The following MGAT5 variants were observed in gnomAD, a reference collection of about 807,000 sequenced individuals.
The protein encoded by MGAT5 is alpha-1,6-mannosylglycoprotein 6-beta-N-acetylglucosaminyltransferase, also known as alpha-1,6-mannosylglycoprotein 6-beta-N-acetylglucosaminyltransferase A.
MGAT5 carries 30 observed loss-of-function variants against 94.3 expected under a neutral mutation model. The ratio of observed to expected loss-of-function variants is 0.32; its 90% CI spans 0.24 to 0.43. The LOEUF is 0.43. Ranked by LOEUF, MGAT5 falls within the 20% of genes least tolerant of loss-of-function variation. The pLI is 1.00. For synonymous variants in MGAT5, 310 were observed against 322.9 expected, an observed-to-expected ratio of 0.96 and a Z score of 0.43; for missense variants, 691 against 905.5, an observed-to-expected ratio of 0.76 and a Z score of 3.04.
intron 10 of MGAT5, among the ~76,000 whole-genome samples, chr2:134,393,340 A>G (rs1220987465): frequency 6.6e-6 from 1 of 152,146 alleles, no homozygotes; most frequent in Non-Finnish European, 1.5e-5. Context: ...CTATTTACAG[A>G]CAGAGACCAA....
At chr2:134,437,419 T>A (rs1241917858) in intron 14 of MGAT5, among the ~76,000 whole-genome samples, 2 of 152,156 alleles carry the variant, frequency 1.3e-5, no homozygotes, top group Non-Finnish European at 2.9e-5. Flanking sequence ...TGTTTGTAGA[T>A]GTCATGTAAG....
At chr2:134,421,229 A>G (rs1389444327) in intron 12 of MGAT5, among the ~76,000 whole-genome samples, 3 of 152,210 alleles carry the variant, frequency 2.0e-5, no homozygotes, top group African/African-American at 7.2e-5. Context: ...GAGCAGAGAC[A>G]TTGCTTCATT....
chr2:134,215,266 T>C (rs1680422376), intron 1 of MGAT5, among the ~76,000 whole-genome samples: 1 of 152,232 alleles, frequency 6.6e-6, no homozygotes, highest in South Asian at 2.1e-4. Flanking sequence ...CATTGAATGG[T>C]GAACATAGGT....
At chr2:134,439,654 A>G (rs920772731) in intron 14 of MGAT5, among the ~76,000 whole-genome samples, 10 of 152,160 alleles carry the variant, frequency 6.6e-5, no homozygotes, top group Non-Finnish European at 1.3e-4. Context: ...CCGAGATCGC[A>G]CCACTGTACT....
At chr2:134,340,999 G>A (rs915005030) in intron 6 of MGAT5, among the ~76,000 whole-genome samples, 5 of 152,186 alleles carry the variant, frequency 3.3e-5, no homozygotes, top group Non-Finnish European at 7.3e-5. Flanking sequence ...TAATAGTGAT[G>A]TTCAAGTTAT....
chr2:134,163,486 G>A (rs1324704468), intron 1 of MGAT5, among the ~76,000 whole-genome samples: 6 of 152,258 alleles, frequency 3.9e-5, no homozygotes, highest in South Asian at 2.1e-4. Context: ...AGACAGGGAC[G>A]CTTGTCAGAG....
chr2:134,374,581 T>C (rs1357924842), intron 10 of MGAT5, among the ~76,000 whole-genome samples: 2 of 152,238 alleles, frequency 1.3e-5, no homozygotes, highest in African/African-American at 2.4e-5. Flanking sequence ...TCTAAAGTCA[T>C]GTTTAGCATC....
chr2:134,162,500 T>G (rs1457489813), intron 1 of MGAT5, among the ~76,000 whole-genome samples: 4 of 152,224 alleles, frequency 2.6e-5, no homozygotes, highest in African/African-American at 9.6e-5. Context: ...GAACTTTAGG[T>G]ATATTCTCTC....
intron 1 of MGAT5, among the ~76,000 whole-genome samples, chr2:134,235,921 C>T (rs955121957): frequency 6.6e-6 from 1 of 152,118 alleles, no homozygotes; most frequent in Non-Finnish European, 1.5e-5. Flanking sequence ...CACTGTAACT[C>T]AGTTTCTGTC....
chr2:134,388,871 C>T (rs142838157), intron 10 of MGAT5, among the ~76,000 whole-genome samples: 5,763 of 151,122 alleles, frequency 0.038, 374 homozygotes, highest in African/African-American at 0.13. Flanking sequence ...AGCAATTCTC[C>T]TGCCTCAGCC....
chr2:134,130,227 G>T (rs1159916945), intron 1 of MGAT5, among the ~76,000 whole-genome samples: 1 of 69,976 alleles, frequency 1.4e-5, no homozygotes, highest in South Asian at 4.9e-4. Flanking sequence ...GCCCCACACC[G>T]CCCCACACCG....
Position 134,317,511 on chromosome 2 carries a change from GT to G in MGAT5, c.407-13del. 1 of 1,533,714 alleles carries G rather than the reference GT, an allele frequency of 6.5e-7. No homozygotes were observed. The highest frequency in any genetic ancestry group is 8.8e-7 in the Non-Finnish European group (1 of 1,134,812). On this transcript the variant is annotated splice_polypyrimidine_tract_variant and intron_variant, in intron 2 of 15. Transcript: ENST00000281923. ...TATAGATCTCATTGTATCCTTTGTT[GT>G]TTTTCATTCTTCACAGATATCATTA...
At chr2:134,387,106 A>T (rs1246011295) in intron 10 of MGAT5, among the ~76,000 whole-genome samples, 2 of 151,288 alleles carry the variant, frequency 1.3e-5, no homozygotes, top group Non-Finnish European at 1.5e-5. Context: ...TACTAAAAAT[A>T]CAAAATTAGC....
In MGAT5 at chr2:134,454,438, C is replaced by CAA. The variant is rs1686265503; in HGVS notation, c.*5593_*5594dup. 1 of 152,316 alleles carries CAA rather than the reference C, an allele frequency of 6.6e-6. No homozygotes were observed. The highest frequency in any genetic ancestry group is 6.5e-5 in the Admixed American group (1 of 15,308). 9.4% of individuals were successfully genotyped at this position (152,316 alleles called of 1,614,324 possible). A position where few individuals can be genotyped will look rare whatever the true frequency, so the allele number is the denominator to read the frequency against. ...TAATGGCCGTTTGCATCTGTGTCTT[C>CAA]AAACAGATCCTGGTTACAGCCATTT... On this transcript the variant is annotated 3_prime_UTR_variant, in exon 16 of 16. Transcript: ENST00000281923.
intron 2 of MGAT5, among the ~76,000 whole-genome samples, chr2:134,306,163 C>T (rs72978145): frequency 0.017 from 2,648 of 152,202 alleles, 89 homozygotes; most frequent in African/African-American, 0.06. Flanking sequence ...TGGAATATTT[C>T]ATATCCTTTA....
At chr2:134,138,433 G>T (rs1686517690) in intron 1 of MGAT5, among the ~76,000 whole-genome samples, 1 of 152,164 alleles carries the variant, frequency 6.6e-6, no homozygotes, top group Admixed American at 6.5e-5. Flanking sequence ...CCATCTTCTG[G>T]TCAGATGGAT....
chr2:134,283,802 A>G (rs531295267), intron 2 of MGAT5, among the ~76,000 whole-genome samples: 7 of 151,764 alleles, frequency 4.6e-5, no homozygotes, highest in Non-Finnish European at 1.0e-4. Flanking sequence ...TGTTCTTAAC[A>G]GGAGAACGAT....
chr2:134,128,398 G>A (rs1421013025), intron 1 of MGAT5, among the ~76,000 whole-genome samples: 1 of 152,192 alleles, frequency 6.6e-6, no homozygotes, highest in Non-Finnish European at 1.5e-5. Context: ...CCTAGTACCA[G>A]CTTGTTAAGT....
chr2:134,213,170 A>G (rs1261254921), intron 1 of MGAT5, among the ~76,000 whole-genome samples: 1 of 152,150 alleles, frequency 6.6e-6, no homozygotes, highest in Non-Finnish European at 1.5e-5. Context: ...CAGCCAGATG[A>G]CAGGCTGGTA....
Sources: gnomAD v4.1 joint callset for allele counts (sites outside exome capture counted in the v4.1 genomes callset) on GRCh38, gnomAD v4.1.1 for gene constraint, MANE v1.5 for transcripts, NCBI Gene and HGNC (gene_info 2026-07-23, HGNC 2026-07-21) for gene names.